Variants in PCDHA11 observed in about 807,000 individuals in gnomAD.
The protein encoded by PCDHA11 is protocadherin alpha-11.
Under a neutral mutation model 70.3 loss-of-function variants are expected in PCDHA11, and 61 were observed. The ratio of observed to expected loss-of-function variants is 0.87; its 90% CI spans 0.71 to 1.07. The LOEUF is 1.07. Among genes scored for constraint, PCDHA11 ranks in the 50% least tolerant of loss-of-function variants. The probability of loss-of-function intolerance (pLI) is 0.00; values close to 1 mark genes in which losing one functional copy is unlikely to be tolerated. For synonymous variants in PCDHA11, 633 were observed against 555.1 expected (o/e 1.14, Z -1.97); for missense variants, 1,324 against 1,237.5 (o/e 1.07, Z -1.05).
chr5:140,962,269 T>A (rs1554225906), intron 1 of PCDHA11, among the ~76,000 whole-genome samples: 1 of 152,194 alleles, frequency 6.6e-6, no homozygotes, highest in Non-Finnish European at 1.5e-5. Flanking sequence ...TTTTATAATT[T>A]AAAAAACCTC....
At chr5:140,937,982 A>G (rs1227498616) in intron 1 of PCDHA11, among the ~76,000 whole-genome samples, 1 of 151,926 alleles carries the variant, frequency 6.6e-6, no homozygotes, top group Non-Finnish European at 1.5e-5. Flanking sequence ...TACTGATTTT[A>G]TGTTAACTTT....
At chr5:140,913,610 A>C (rs1271705435) in intron 1 of PCDHA11, among the ~76,000 whole-genome samples, 2 of 151,906 alleles carry the variant, frequency 1.3e-5, no homozygotes, top group African/African-American at 4.8e-5. Flanking sequence ...TATTTTCTCT[A>C]CTAATTTTGG....
Position 140,871,058 on chromosome 5 carries a change from A to C in PCDHA11, c.1955A>C (p.Asp652Ala), listed in dbSNP as rs1179361194. The part of the protein sequence containing the change: ...PRHRLLVLVK[D>A]HGEPALTATA... Reference sequence around the variant, plus strand: ...CACCGACTTCTAGTACTGGTGAAGGATCACGGTGAGCCGGCGCTGACGGCC... The same window carrying C: ...CACCGACTTCTAGTACTGGTGAAGGCTCACGGTGAGCCGGCGCTGACGGCC... Residue 652 changes from aspartate (D) to alanine (A), a missense_variant, in exon 1 of 4, where the codon GAT (aspartate) becomes GCT (alanine). Transcript: ENST00000398640. 8 of 1,613,140 alleles carry C rather than the reference A, an allele frequency of 5.0e-6. No homozygotes were observed. The African/African-American group carries it at 6.7e-5, about 13-fold the overall frequency.
At chr5:140,928,134 G>T in intron 1 of PCDHA11, 1 of 1,614,180 alleles carries the variant, frequency 6.2e-7, no homozygotes, top group Non-Finnish European at 8.5e-7. Flanking sequence ...ACCAAGTCCT[G>T]ATCACGGCCT....
intron 1 of PCDHA11, among the ~76,000 whole-genome samples, chr5:140,925,577 C>T (rs931426226): frequency 2.6e-5 from 4 of 151,714 alleles, no homozygotes; most frequent in Non-Finnish European, 5.9e-5. Context: ...AGCACACCAA[C>T]ATGGCGCATG....
rs192014288 is a variant in PCDHA11, at chr5:140,938,120, T to A, written c.2392-40829T>A. Among the ~76,000 whole-genome samples the A allele has an allele frequency of 2.0e-3, 311 of 152,258 alleles. 6 individuals are homozygous for A. In the East Asian group the frequency reaches 0.05, roughly 25 times the overall value. ...GTATTTTTTACTTTCTCTCTTTTTT[T>A]AAAAAAATAGAGATAGAGTCTCACT... On this transcript the variant is annotated intron_variant, in intron 1 of 3. Transcript: ENST00000398640.
At chr5:140,985,884 C>T (rs1263620553) in intron 3 of PCDHA11, among the ~76,000 whole-genome samples, 4 of 151,722 alleles carry the variant, frequency 2.6e-5, no homozygotes, top group East Asian at 3.9e-4. Context: ...GGACTACAGG[C>T]GCCCGCCACC....
chr5:140,936,619 T>C (rs2153629684), intron 1 of PCDHA11, among the ~76,000 whole-genome samples: 1 of 152,366 alleles, frequency 6.6e-6, no homozygotes, highest in East Asian at 1.9e-4. Context: ...TACTGTGCAG[T>C]GCTACCTTTG....
chr5:140,966,886 G>T, intron 1 of PCDHA11: 1 of 1,592,132 alleles, frequency 6.3e-7, no homozygotes. Context: ...CTGGCCCTGC[G>T]GCCTCCCAGC....
intron 1 of PCDHA11, among the ~76,000 whole-genome samples, chr5:140,955,070 G>A (rs755676357): frequency 2.2e-4 from 34 of 152,166 alleles, no homozygotes; most frequent in Non-Finnish European, 4.1e-4. Context: ...GTTTGTTGAA[G>A]ATCAGATGGT....
chr5:140,920,996 CAG>C (rs1554200030), intron 1 of PCDHA11, among the ~76,000 whole-genome samples: 3 of 151,876 alleles, frequency 2.0e-5, no homozygotes, highest in African/African-American at 7.3e-5. Context: ...CTTATTTTTT[CAG>C]AGTCAGGGTC....
At chr5:140,876,583 CT>C in intron 1 of PCDHA11, 1 of 1,614,194 alleles carries the variant, frequency 6.2e-7, no homozygotes, top group Non-Finnish European at 8.5e-7. Context: ...CGTCATTGCC[CT>C]GATTAGCGTG....
chr5:140,943,094 TA>T lies in PCDHA11; in HGVS notation c.2392-35849del, dbSNP rs546939375. Among the ~76,000 whole-genome samples, 19 of 151,404 alleles carry T rather than the reference TA, an allele frequency of 1.3e-4. No individual in the cohort carries two copies. In the East Asian group the frequency reaches 3.7e-3, roughly 29 times the overall value. On this transcript the variant is annotated intron_variant, in intron 1 of 3. Coordinates refer to ENST00000398640, the MANE Select transcript of PCDHA11 (RefSeq NM_018902.5). ...CAACATGGTGAAATCCTGCCTCTAC[TA>T]AAAAATACAAAAATTAGCCAGGTGT... is the stretch of plus-strand genomic sequence containing the variant.
At chr5:140,928,555 A>T in intron 1 of PCDHA11, 1 of 1,614,240 alleles carries the variant, frequency 6.2e-7, no homozygotes, top group South Asian at 1.1e-5. Flanking sequence ...TTATCCGGTT[A>T]TCTTGTTTCC....
At chr5:141,007,869 T>C (rs2098349373) in intron 3 of PCDHA11, among the ~76,000 whole-genome samples, 1 of 152,262 alleles carries the variant, frequency 6.6e-6, no homozygotes, top group African/African-American at 2.4e-5. Flanking sequence ...TCTTTTCCTT[T>C]GTCTTACACT....
At position 140,886,685 on chromosome 5, in the gene PCDHA11, G is replaced by A. The variant is rs1250817978; in HGVS notation, c.2391+15191G>A. On this transcript the variant is annotated intron_variant, in intron 1 of 3. Transcript: ENST00000398640. The stretch of plus-strand genomic sequence containing the variant: ...TACTAAAAATACAAAAATTAGCGAG[G>A]CATGGTGGCACGCGCCTGTAATCCC... Among the ~76,000 whole-genome samples the A allele has an allele frequency of 2.6e-5, 4 of 152,080 alleles. No homozygotes were observed. In the East Asian group the frequency reaches 7.8e-4, roughly 30 times the overall value.
chr5:140,944,058 G>A (rs185843356), intron 1 of PCDHA11, among the ~76,000 whole-genome samples: 116 of 152,248 alleles, frequency 7.6e-4, no homozygotes, highest in African/African-American at 2.7e-3. Flanking sequence ...ATACAAAAAG[G>A]TTTCTTGTTA....
intron 1 of PCDHA11, chr5:140,968,562 C>G: frequency 6.2e-7 from 1 of 1,614,208 alleles, no homozygotes; most frequent in South Asian, 1.1e-5. Flanking sequence ...CGAACTGCCC[C>G]TGCTGGCTAC....
In PCDHA11 at chr5:140,951,110, T is replaced by A. The variant is rs1230697929; in HGVS notation, c.2392-27839T>A. Reference sequence around the variant, plus strand: ...TTTTTCTGATAAGATTTCCTTTATTTTCATTCCTTACCAATAAGTTTTCCT... The same window carrying A: ...TTTTTCTGATAAGATTTCCTTTATTATCATTCCTTACCAATAAGTTTTCCT... On this transcript the variant is annotated intron_variant, in intron 1 of 3. Transcript: ENST00000398640. Among the ~76,000 whole-genome samples, 5 of 150,004 alleles carry A rather than the reference T, an allele frequency of 3.3e-5. No homozygotes were observed. The East Asian group carries it at 9.8e-4, about 29-fold the overall frequency.
Sources: allele counts gnomAD v4.1 joint callset (sites outside exome capture counted in the v4.1 genomes callset), GRCh38; gene constraint gnomAD v4.1.1; transcripts MANE v1.5; gene names NCBI Gene and HGNC (gene_info 2026-07-23, HGNC 2026-07-21).